CLIP2: variants seen among roughly 807,000 people sequenced by gnomAD.
The protein encoded by CLIP2 is CAP-Gly domain-containing linker protein 2.
Under a neutral mutation model 111.7 loss-of-function variants are expected in CLIP2, and 41 were observed. The ratio of observed to expected loss-of-function variants is 0.37; its 90% CI spans 0.29 to 0.48. The LOEUF is 0.48. CLIP2 is among the 20% of genes least tolerant of loss of function. The probability of loss-of-function intolerance (pLI) is 0.99; values close to 1 mark genes in which losing one functional copy is unlikely to be tolerated. For synonymous variants in CLIP2, 660 were observed against 644.2 expected (o/e 1.02, Z -0.37); for missense variants, 1,160 against 1,422.1 (o/e 0.82, Z 2.96).
chr7:74,308,093 C>T (rs1788544001), intron 1 of CLIP2, among the ~76,000 whole-genome samples: 1 of 152,156 alleles, frequency 6.6e-6, no homozygotes, highest in Admixed American at 6.6e-5. Context: ...ATCCTGAGGT[C>T]TCTGTGGGCC....
rs577816863 is a variant in CLIP2, at chr7:74,323,863, T to A, written c.121+6196T>A. ...ACTAGACCATATAGGTTTGTGTAAG[T>A]ACACTCTGTGATGTTCACAGGACAA... On this transcript the variant is annotated intron_variant, in intron 2 of 16. Transcript: ENST00000223398. Among the ~76,000 whole-genome samples, 11 of 152,262 alleles carry A rather than the reference T, an allele frequency of 7.2e-5. No individual in the cohort carries two copies. The East Asian group carries it at 1.5e-3, about 21-fold the overall frequency.
intron 16 of CLIP2, among the ~76,000 whole-genome samples, chr7:74,403,328 T>G (rs1402607323): frequency 2.0e-5 from 3 of 151,926 alleles, no homozygotes; most frequent in Non-Finnish European, 2.9e-5. Context: ...CCCAGAACTT[T>G]GGGAGGCCGA....
chr7:74,331,958 T>C (rs1789297675), intron 2 of CLIP2, among the ~76,000 whole-genome samples: 1 of 151,620 alleles, frequency 6.6e-6, no homozygotes, highest in African/African-American at 2.4e-5. Context: ...AAAAATGTGG[T>C]CACATGTAGG....
At chr7:74,384,533 C>T (rs1462489303) in intron 11 of CLIP2, among the ~76,000 whole-genome samples, 4 of 149,778 alleles carry the variant, frequency 2.7e-5, no homozygotes. Context: ...GCAACCTCCG[C>T]CTCCCAGGTT....
intron 1 of CLIP2, among the ~76,000 whole-genome samples, chr7:74,308,882 T>C (rs1554728107): frequency 6.6e-6 from 1 of 151,738 alleles, no homozygotes; most frequent in African/African-American, 2.4e-5. Flanking sequence ...TTTTAACTTT[T>C]TTAGAGACAG....
intron 13 of CLIP2, among the ~76,000 whole-genome samples, chr7:74,391,814 T>C (rs781942642): frequency 6.0e-5 from 9 of 150,998 alleles, no homozygotes; most frequent in Non-Finnish European, 1.2e-4. Flanking sequence ...AGTGAGACTC[T>C]GTCTCAAAGA....
At position 74,404,214 on chromosome 7, in the gene CLIP2, C is replaced by T. The variant is rs1461060099; in HGVS notation, c.*366C>T. ...TCTTAGCGGCCCTGTCCTCTTTTTC[C>T]GCCCATTCTCCCTCGGGTCTCCCCA... On this transcript the variant is annotated 3_prime_UTR_variant, in exon 17 of 17. Transcript: ENST00000223398. 3.4e-5 allele frequency: 9 copies of T among 263,678 alleles called. No homozygotes were observed. The highest frequency in any genetic ancestry group is 8.0e-5 in the East Asian group (1 of 12,458). 16.3% of individuals were successfully genotyped at this position (263,678 alleles called of 1,614,324 possible).
At chr7:74,388,977 G>A in intron 12 of CLIP2, 126 bp from the exon 13 acceptor site, 1 of 1,150,504 alleles carries the variant, frequency 8.7e-7, no homozygotes, top group Non-Finnish European at 1.2e-6. Flanking sequence ...TCAAAACTAT[G>A]CAGTGGGGTA....
rs1289938810 is a variant in CLIP2, at chr7:74,346,364, G to A, written c.678+7360G>A. Among the ~76,000 whole-genome samples the A allele has an allele frequency of 3.3e-5, 5 of 152,276 alleles. No homozygotes were observed. In the East Asian group the frequency reaches 7.7e-4, roughly 23 times the overall value. On this transcript the variant is annotated intron_variant, in intron 3 of 16. Transcript: ENST00000223398. ...TCCATCCGGAAACCCTAGATGTTCA[G>A]TAACTGGCCGCATGTTGGCCTCTAG...
intron 10 of CLIP2, among the ~76,000 whole-genome samples, chr7:74,379,236 C>T (rs1554313488): frequency 6.7e-6 from 1 of 149,424 alleles, no homozygotes; most frequent in African/African-American, 2.5e-5. Context: ...GGCTGAGGCA[C>T]AAGGATTACT....
chr7:74,350,345 C>A (rs1455352845), intron 3 of CLIP2, among the ~76,000 whole-genome samples: 1 of 151,948 alleles, frequency 6.6e-6, no homozygotes, highest in East Asian at 1.9e-4. Flanking sequence ...AGCCACTGTT[C>A]CTGGCCTGTA....
intron 10 of CLIP2, among the ~76,000 whole-genome samples, chr7:74,377,550 G>A (rs1343290181): frequency 6.6e-6 from 1 of 152,204 alleles, no homozygotes; most frequent in Non-Finnish European, 1.5e-5. Flanking sequence ...CTTTTGAGTG[G>A]CTCTGGGTAC....
At chr7:74,343,004 C>T (rs1252827949) in intron 3 of CLIP2, among the ~76,000 whole-genome samples, 1 of 148,994 alleles carries the variant, frequency 6.7e-6, no homozygotes, top group East Asian at 2.0e-4. Context: ...CACTGCACTC[C>T]AGCCTGGATG....
intron 7 of CLIP2, among the ~76,000 whole-genome samples, chr7:74,362,374 G>C (rs1790353427): frequency 6.6e-6 from 1 of 152,210 alleles, no homozygotes; most frequent in South Asian, 2.1e-4. Flanking sequence ...CTTTCAGCTG[G>C]CACCTGCGCT....
Position 74,404,985 on chromosome 7 carries a change from C to G in CLIP2, c.*1137C>G, listed in dbSNP as rs138226640. ...AGGTGCGTATACACACCCAAGTACA[C>G]GCAGCCAGGCATTCAGGGGTGTGTT... On this transcript the variant is annotated 3_prime_UTR_variant, in exon 17 of 17. Coordinates refer to ENST00000223398, the MANE Select transcript of CLIP2 (RefSeq NM_003388.5). The G allele has an allele frequency of 1.3e-5, 2 of 152,190 alleles. No individual in the cohort carries two copies. The highest frequency in any genetic ancestry group is 4.8e-5 in the African/African-American group (2 of 41,424). 9.4% of individuals were successfully genotyped at this position (152,190 alleles called of 1,614,324 possible).
intron 2 of CLIP2, among the ~76,000 whole-genome samples, chr7:74,326,663 ATCTC>A (rs772330275): frequency 6.7e-6 from 1 of 150,238 alleles, no homozygotes; most frequent in Non-Finnish European, 1.5e-5. Flanking sequence ...TTGAGACGGA[ATCTC>A]TCTCTTTCAC....
At chr7:74,358,913 T>G (rs1414252332) in intron 6 of CLIP2, among the ~76,000 whole-genome samples, 2 of 152,164 alleles carry the variant, frequency 1.3e-5, no homozygotes, top group African/African-American at 4.8e-5. Flanking sequence ...ATCACAGGCT[T>G]TGTCCTTACT....
intron 9 of CLIP2, among the ~76,000 whole-genome samples, chr7:74,375,546 C>CAA (rs34885959): frequency 0.036 from 1,206 of 33,136 alleles, 269 homozygotes; most frequent in Non-Finnish European, 0.041. Flanking sequence ...GAGCGAGACT[C>CAA]AAAAAAAAAA....
intron 1 of CLIP2, among the ~76,000 whole-genome samples, chr7:74,296,803 A>AAG (rs1788181440): frequency 6.6e-6 from 1 of 151,486 alleles, no homozygotes; most frequent in African/African-American, 2.4e-5. Context: ...AAAAAAAAAA[A>AAG]AAGAGAAAAG....
Sources: allele counts gnomAD v4.1 joint callset (sites outside exome capture counted in the v4.1 genomes callset), GRCh38; gene constraint gnomAD v4.1.1; transcripts MANE v1.5; gene names NCBI Gene and HGNC (gene_info 2026-07-23, HGNC 2026-07-21).